Variants in PTPRD observed in about 807,000 individuals in gnomAD.
The protein encoded by PTPRD is protein tyrosine phosphatase receptor type D.
A neutral mutation model predicts 214.5 loss-of-function variants in PTPRD; 34 were observed. The observed-to-expected ratio is 0.16, with a 90% CI of 0.12 to 0.21. The LOEUF (loss-of-function observed/expected upper bound fraction) is 0.21, where lower values mean the gene tolerates loss of function less well. PTPRD is among the 10% of genes least tolerant of loss of function. The pLI is 1.00. For missense variants in PTPRD, 2,545 were observed against 2,398.7 expected, an observed-to-expected ratio of 1.06 and a Z score of -1.27; for synonymous variants, 1,128 against 845.7, an observed-to-expected ratio of 1.33 and a Z score of -5.79.
chr9:10,041,638 A>C (rs1019165082), intron 3 of PTPRD, among the ~76,000 whole-genome samples: 3 of 151,956 alleles, frequency 2.0e-5, no homozygotes, highest in African/African-American at 7.2e-5. Flanking sequence ...AAGAAACATA[A>C]AAAATCTCAT....
intron 11 of PTPRD, among the ~76,000 whole-genome samples, chr9:8,927,748 G>T (rs2098912870): frequency 6.6e-6 from 1 of 152,118 alleles, no homozygotes; most frequent in Non-Finnish European, 1.5e-5. Flanking sequence ...GGGTCAAATG[G>T]TATTTCTGTT....
rs1450924350 is a variant in PTPRD, at chr9:8,315,648, TTTTTTC to T, written c.*2220_*2225del. The T allele has an allele frequency of 4.4e-6, 1 of 228,054 alleles. No individual in the cohort carries two copies. Among genetic ancestry groups the T allele is most frequent in the Non-Finnish European group, 8.7e-6 (1 of 114,622 alleles). 14.1% of individuals were successfully genotyped at this position (228,054 alleles called of 1,614,324 possible). A position where few individuals can be genotyped will look rare whatever the true frequency, so the allele number is the denominator to read the frequency against. ...TTTTTAGTATTATATATATTTTCTT[TTTTTTC>T]TTTTTCTTTGTTTTTTACAAAAGTG... On this transcript the variant is annotated 3_prime_UTR_variant, in exon 46 of 46. Transcript: ENST00000381196.
At chr9:10,420,750 C>T (rs2098538245) in intron 2 of PTPRD, among the ~76,000 whole-genome samples, 1 of 151,740 alleles carries the variant, frequency 6.6e-6, no homozygotes, top group African/African-American at 2.4e-5. Context: ...GCTACATTTT[C>T]TTATTCATTC....
At chr9:10,110,766 T>A (rs898309037) in intron 3 of PTPRD, among the ~76,000 whole-genome samples, 1 of 152,174 alleles carries the variant, frequency 6.6e-6, no homozygotes, top group Non-Finnish European at 1.5e-5. Flanking sequence ...TCCTGGCTAA[T>A]TGAGAGAAAA....
At chr9:10,535,587 G>A (rs2057572063) in intron 2 of PTPRD, among the ~76,000 whole-genome samples, 1 of 151,978 alleles carries the variant, frequency 6.6e-6, no homozygotes. Context: ...ACCACAGCAA[G>A]AGTTTTTATA....
chr9:9,380,241 G>A (rs1381048666), intron 9 of PTPRD, among the ~76,000 whole-genome samples: 6 of 151,942 alleles, frequency 3.9e-5, no homozygotes, highest in Non-Finnish European at 5.9e-5. Context: ...TACTTTCACT[G>A]CATCCCACAC....
At chr9:8,383,804 C>T (rs571612202) in intron 37 of PTPRD, among the ~76,000 whole-genome samples, 2 of 152,102 alleles carry the variant, frequency 1.3e-5, no homozygotes, top group African/African-American at 4.8e-5. Context: ...ATAAAGCTTG[C>T]AAGACAAGAT....
chr9:9,067,041 G>T (rs1162109315), intron 10 of PTPRD, among the ~76,000 whole-genome samples: 2 of 152,194 alleles, frequency 1.3e-5, no homozygotes, highest in Non-Finnish European at 2.9e-5. Context: ...TCAGGAGTTG[G>T]AGACCAGCCT....
intron 12 of PTPRD, among the ~76,000 whole-genome samples, chr9:8,691,769 C>G (rs1276312667): frequency 6.6e-6 from 1 of 152,162 alleles, no homozygotes; most frequent in East Asian, 1.9e-4. Flanking sequence ...GTGATGTGAT[C>G]AAATCCTCCT....
intron 3 of PTPRD, among the ~76,000 whole-genome samples, chr9:10,247,905 A>C (rs888914892): frequency 6.6e-6 from 1 of 151,972 alleles, no homozygotes; most frequent in Non-Finnish European, 1.5e-5. Context: ...CATAATTCCT[A>C]TGTGTTATGG....
At chr9:10,218,370 C>G (rs188869516) in intron 3 of PTPRD, among the ~76,000 whole-genome samples, 12 of 151,874 alleles carry the variant, frequency 7.9e-5, no homozygotes, top group African/African-American at 2.2e-4. Context: ...GTTCAGTTAC[C>G]TTTAATTTTA....
chr9:9,779,051 C>G (rs2098821889), intron 5 of PTPRD, among the ~76,000 whole-genome samples: 1 of 103,742 alleles, frequency 9.6e-6, no homozygotes, highest in African/African-American at 3.7e-5. Flanking sequence ...CTCACACCTA[C>G]AGCCATGTGA....
chr9:8,383,785 A>G (rs1564438276), intron 37 of PTPRD, among the ~76,000 whole-genome samples: 1 of 152,140 alleles, frequency 6.6e-6, no homozygotes, highest in Non-Finnish European at 1.5e-5. Context: ...AAGTGAATCA[A>G]CCCCCACTAT....
At chr9:9,329,243 CAAAA>C (rs954975168) in intron 9 of PTPRD, among the ~76,000 whole-genome samples, 1 of 151,314 alleles carries the variant, frequency 6.6e-6, no homozygotes, top group African/African-American at 2.4e-5. Flanking sequence ...TCATGCAAAA[CAAAA>C]CAAAACAAAA....
chr9:9,209,573 C>G (rs2099947209), intron 9 of PTPRD, among the ~76,000 whole-genome samples: 2 of 152,014 alleles, frequency 1.3e-5, no homozygotes, highest in Admixed American at 6.6e-5. Context: ...ATTTGTGTAT[C>G]AAATGATATG....
At chr9:8,480,476 T>C (rs1233118544) in intron 30 of PTPRD, among the ~76,000 whole-genome samples, 3 of 152,156 alleles carry the variant, frequency 2.0e-5, no homozygotes, top group Non-Finnish European at 2.9e-5. Context: ...AATTGCCCAA[T>C]TAACTATGCT....
In PTPRD at chr9:9,098,311, C is replaced by A. The variant is rs567796322; in HGVS notation, c.-142-79576G>T. ...TGTTGTTGTTTCCCGGGCTGAAGTG[C>A]AGTGGTGTGCTGTTGGCTCACTGCA... On this transcript the variant is annotated intron_variant, in intron 10 of 45. Coordinates refer to ENST00000381196, the MANE Select transcript of PTPRD (RefSeq NM_002839.4). Among the ~76,000 whole-genome samples, 11 of 152,204 alleles carry A rather than the reference C, an allele frequency of 7.2e-5. No homozygotes were observed. The East Asian group carries it at 2.1e-3, about 29-fold the overall frequency.
chr9:9,206,089 T>C (rs1228741879), intron 9 of PTPRD, among the ~76,000 whole-genome samples: 1 of 152,174 alleles, frequency 6.6e-6, no homozygotes, highest in Non-Finnish European at 1.5e-5. Flanking sequence ...GTATTCTAGA[T>C]AGCTTTTAGA....
rs531788759 is a variant in PTPRD at position 9,609,884 on chromosome 9, T to C, written c.-286-35103A>G. Among the ~76,000 whole-genome samples the C allele has an allele frequency of 1.8e-3, 273 of 152,290 alleles. 1 individual carries two copies. Among genetic ancestry groups the C allele is most frequent in the African/African-American group, 5.8e-3 (241 of 41,562 alleles). On this transcript the variant is annotated intron_variant, in intron 7 of 45. Coordinates refer to ENST00000381196, the MANE Select transcript of PTPRD (RefSeq NM_002839.4). ...ACTGTGAAAATGTACATTTAAAAAG[T>C]AGATAACTAATTTATAAAAAAATAA... is the stretch of plus-strand genomic sequence containing the variant.
Sources: allele counts gnomAD v4.1 joint callset (sites outside exome capture counted in the v4.1 genomes callset), GRCh38; gene constraint gnomAD v4.1.1; transcripts MANE v1.5; gene names NCBI Gene and HGNC (gene_info 2026-07-23, HGNC 2026-07-21).